LUZP1: variants seen among roughly 807,000 people sequenced by gnomAD.
LUZP1 encodes the protein filamin mechanobinding actin cross-linking protein.
In LUZP1, 25 loss-of-function variants were observed where a neutral mutation model predicts 71.3. That is an observed-to-expected ratio of 0.35 (90% CI 0.26 to 0.49). The LOEUF is 0.49. LUZP1 is among the 20% of genes least tolerant of loss of function. The probability of loss-of-function intolerance (pLI) is 0.99; values close to 1 mark genes in which losing one functional copy is unlikely to be tolerated. For synonymous variants in LUZP1, 481 were observed against 506.4 expected (o/e 0.95, Z 0.67); for missense variants, 1,142 against 1,300.8 (o/e 0.88, Z 1.88).
chr1:23,118,158 G>A (rs574042527), intron 2 of LUZP1, among the ~76,000 whole-genome samples: 56 of 151,974 alleles, frequency 3.7e-4, no homozygotes, highest in African/African-American at 1.3e-3. Context: ...TCCCAGCACT[G>A]TGGGAGGCCA....
chr1:23,089,330 G>A lies in LUZP1; in HGVS notation c.3073-277C>T, dbSNP rs143849961. ...CAACAGGAGCCTTACAGAGGATAGAGCCTGGAATGGGGGCATGGGACTAGC... is the reference window on the plus strand; with the variant it reads ...CAACAGGAGCCTTACAGAGGATAGAACCTGGAATGGGGGCATGGGACTAGC... On this transcript the variant is annotated intron_variant, in intron 4 of 4. Transcript: ENST00000302291. Among the ~76,000 whole-genome samples, 47 of 152,276 alleles carry A rather than the reference G, an allele frequency of 3.1e-4. 1 individual carries two copies. In the East Asian group the frequency reaches 8.5e-3, roughly 28 times the overall value.
intron 1 of LUZP1, among the ~76,000 whole-genome samples, chr1:23,169,962 T>C (rs1349671328): frequency 7.6e-6 from 1 of 131,262 alleles, no homozygotes; most frequent in African/African-American, 2.8e-5. Flanking sequence ...TATGATCACT[T>C]CCTACCTTTA....
At chr1:23,147,536 G>A (rs924420678) in intron 2 of LUZP1, among the ~76,000 whole-genome samples, 2 of 143,570 alleles carry the variant, frequency 1.4e-5, no homozygotes, top group Admixed American at 7.5e-5. Context: ...CACTTTGGAA[G>A]ACTGAGGTGG....
exon 4 of LUZP1, chr1:23,092,902 G>A (rs372619729): frequency 8.7e-6 from 14 of 1,613,630 alleles, no homozygotes; most frequent in Admixed American, 3.3e-5. Flanking sequence ...GGTACAAACC[G>A]GTCTTCAGTT....
chr1:23,085,262 A>G (rs542068830), exon 5 of LUZP1: 1 of 152,714 alleles, frequency 6.5e-6, no homozygotes, highest in South Asian at 2.1e-4. Flanking sequence ...ATGCAATAAC[A>G]GTTTATTTGA....
chr1:23,124,129 C>T (rs1417508259), intron 2 of LUZP1, among the ~76,000 whole-genome samples: 1 of 152,162 alleles, frequency 6.6e-6, no homozygotes. Context: ...AATGCAGAAT[C>T]ATGCTGTGAG....
intron 2 of LUZP1, among the ~76,000 whole-genome samples, chr1:23,150,054 T>C (rs1644372618): frequency 6.6e-6 from 1 of 151,746 alleles, no homozygotes. Flanking sequence ...TTTTTATTTG[T>C]TTTAGGATAG....
At chr1:23,160,541 C>A (rs1417352387) in intron 2 of LUZP1, among the ~76,000 whole-genome samples, 1 of 152,098 alleles carries the variant, frequency 6.6e-6, no homozygotes, top group Non-Finnish European at 1.5e-5. Context: ...TCTATATCGC[C>A]GGAAGCAGTT....
intron 2 of LUZP1, among the ~76,000 whole-genome samples, chr1:23,144,433 CAA>C (rs1475441015): frequency 6.6e-6 from 1 of 152,168 alleles, no homozygotes; most frequent in African/African-American, 2.4e-5. Context: ...TGACACACAA[CAA>C]AAGAGTGGGA....
At chr1:23,096,859 G>A (rs547844587) in intron 3 of LUZP1, among the ~76,000 whole-genome samples, 20 of 152,116 alleles carry the variant, frequency 1.3e-4, no homozygotes, top group African/African-American at 3.9e-4. Context: ...TATAATCCCA[G>A]CTACTTGGGA....
chr1:23,133,484 T>C (rs548325396), intron 2 of LUZP1: 26 of 152,220 alleles, frequency 1.7e-4, no homozygotes, highest in Middle Eastern at 3.4e-3. Flanking sequence ...TGAGACAGAC[T>C]GGGCGCAGTG....
At chr1:23,113,120 C>T (rs1372608757) in intron 2 of LUZP1, among the ~76,000 whole-genome samples, 1 of 152,208 alleles carries the variant, frequency 6.6e-6, no homozygotes, top group African/African-American at 2.4e-5. Context: ...CATCTGGACA[C>T]GGTGGCTCAT....
chr1:23,146,968 G>C (rs1433213229), intron 2 of LUZP1, among the ~76,000 whole-genome samples: 2 of 151,672 alleles, frequency 1.3e-5, no homozygotes, highest in South Asian at 4.2e-4. Flanking sequence ...GTGGTGGCGG[G>C]CAGCTGTAGT....
intron 2 of LUZP1, among the ~76,000 whole-genome samples, chr1:23,122,474 G>T (rs1168907846): frequency 1.3e-5 from 2 of 152,154 alleles, no homozygotes; most frequent in African/African-American, 4.8e-5. Flanking sequence ...GCAGCAGCTT[G>T]CCCCTTCCCC....
rs528194229 is a variant in LUZP1 at position 23,091,118 on chromosome 1, A to AG, written c.3072+71dup. 7.1e-5 allele frequency: 102 copies of AG among 1,428,348 alleles called. 1 individual carries two copies. The East Asian group carries it at 2.3e-3, about 32-fold the overall frequency. 88.5% of individuals were successfully genotyped at this position (1,428,348 alleles called of 1,614,324 possible). A position where few individuals can be genotyped will look rare whatever the true frequency, so the allele number is the denominator to read the frequency against. On this transcript the variant is annotated intron_variant, in intron 4 of 4. Transcript: ENST00000302291. ...TCCTGGGTCACACAGGCCAGAGCAG[A>AG]GGGGAAAAAGGAAAAGGCAAAGAAG...
chr1:23,117,844 C>T (rs61780494), intron 2 of LUZP1, among the ~76,000 whole-genome samples: 4 of 152,088 alleles, frequency 2.6e-5, no homozygotes, highest in African/African-American at 4.8e-5. Context: ...GTAATCCCAG[C>T]GCTTTGGGAG....
chr1:23,175,458 C>T (rs184028783), intron 1 of LUZP1, among the ~76,000 whole-genome samples: 12 of 152,272 alleles, frequency 7.9e-5, no homozygotes, highest in Admixed American at 7.2e-4. Flanking sequence ...TTGGTGCTTT[C>T]CCCCCTAGTG....
At chr1:23,148,036 G>C (rs563128410) in intron 2 of LUZP1, among the ~76,000 whole-genome samples, 1 of 152,292 alleles carries the variant, frequency 6.6e-6, no homozygotes, top group South Asian at 2.1e-4. Context: ...AATTACATGA[G>C]AGTCACTCTG....
intron 3 of LUZP1, among the ~76,000 whole-genome samples, chr1:23,097,407 A>G (rs1365740638): frequency 6.6e-6 from 1 of 152,218 alleles, no homozygotes; most frequent in Non-Finnish European, 1.5e-5. Flanking sequence ...TCCAGGCAAA[A>G]CATAGTTATG....
Sources: allele counts gnomAD v4.1 joint callset (sites outside exome capture counted in the v4.1 genomes callset), GRCh38; gene constraint gnomAD v4.1.1; transcripts MANE v1.5; gene names NCBI Gene and HGNC (gene_info 2026-07-23, HGNC 2026-07-21).